The following MICU3 variants were observed in gnomAD, a reference collection of about 807,000 sequenced individuals.
MICU3 encodes calcium uptake protein 3, mitochondrial.
MICU3 carries 62 observed loss-of-function variants against 66.5 expected under a neutral mutation model. That is an observed-to-expected ratio of 0.93 (90% CI 0.76 to 1.15). The LOEUF (loss-of-function observed/expected upper bound fraction) is 1.15, where lower values mean the gene tolerates loss of function less well. Among genes scored for constraint, MICU3 ranks in the 50% most tolerant of loss-of-function variants. MICU3 has a pLI of 0.00. For missense variants in MICU3, 779 were observed against 664.4 expected, an observed-to-expected ratio of 1.17 and a Z score of -1.90; for synonymous variants, 308 against 240.7, an observed-to-expected ratio of 1.28 and a Z score of -2.59.
intron 2 of MICU3, among the ~76,000 whole-genome samples, chr8:17,067,073 C>G (rs1037696160): frequency 1.6e-4 from 24 of 152,188 alleles, no homozygotes; most frequent in Middle Eastern, 6.8e-3. Flanking sequence ...AATTTCTAAC[C>G]AGCACTTTTC....
Position 17,081,710 on chromosome 8 carries a change from G to C in MICU3, c.664G>C (p.Glu222Gln). The change falls in exon 5 of 15, where the codon GAA (glutamate) becomes CAA (glutamine). Residue 222 changes from glutamate to glutamine, a missense_variant. By Grantham distance (29) the Glu-to-Gln change is conservative. Coordinates refer to ENST00000318063, the MANE Select transcript of MICU3 (RefSeq NM_181723.3). ...TCTTGTAGGTGTGATTTCTTACACA[G>C]AATATCTTTTTCTTTTATGTATTTT... ...LKEKGVISYT[E>Q]YLFLLCILTK... 1 of 903,836 alleles carries C rather than the reference G, an allele frequency of 1.1e-6. No individual in the cohort carries two copies. Among genetic ancestry groups the C allele is most frequent in the Non-Finnish European group, 1.7e-6 (1 of 593,962 alleles). The allele number at this position is 903,836 out of a possible 1,614,324, so 56.0% of individuals were successfully genotyped here.
chr8:17,073,279 C>G (rs911053829), intron 3 of MICU3, among the ~76,000 whole-genome samples: 1 of 152,182 alleles, frequency 6.6e-6, no homozygotes, highest in African/African-American at 2.4e-5. Context: ...TACAGCCACT[C>G]TCCATCACTC....
At chr8:17,109,342 T>G (rs1802002029) in intron 11 of MICU3, among the ~76,000 whole-genome samples, 1 of 152,262 alleles carries the variant, frequency 6.6e-6, no homozygotes, top group East Asian at 1.9e-4. Flanking sequence ...ACCTACAGAT[T>G]TATTCACTCA....
chr8:17,046,517 G>A (rs1486643998), intron 1 of MICU3, among the ~76,000 whole-genome samples: 2 of 152,098 alleles, frequency 1.3e-5, no homozygotes, highest in East Asian at 1.9e-4. Context: ...ATACCACACT[G>A]TACTTATAAG....
intron 1 of MICU3, among the ~76,000 whole-genome samples, chr8:17,032,479 T>C (rs904084291): frequency 7.2e-5 from 11 of 152,226 alleles, no homozygotes; most frequent in African/African-American, 2.4e-4. Flanking sequence ...TTGTTCGCCT[T>C]AAAAAGCTTC....
At chr8:17,072,267 A>G (rs1454776139) in intron 3 of MICU3, among the ~76,000 whole-genome samples, 2 of 152,172 alleles carry the variant, frequency 1.3e-5, no homozygotes, top group African/African-American at 4.8e-5. Flanking sequence ...ATATAGGTAG[A>G]TCTGTAAATC....
At chr8:17,091,937 G>T (rs915067301) in intron 8 of MICU3, among the ~76,000 whole-genome samples, 2 of 152,006 alleles carry the variant, frequency 1.3e-5, no homozygotes, top group African/African-American at 4.8e-5. Flanking sequence ...GAGTGTAGTG[G>T]CATGATCTCA....
chr8:17,055,293 C>T (rs1385789230), intron 1 of MICU3, among the ~76,000 whole-genome samples: 1 of 152,134 alleles, frequency 6.6e-6, no homozygotes, highest in East Asian at 1.9e-4. Context: ...GAAGTGTTAC[C>T]TCCCATGAGG....
rs761777555 is a variant in MICU3 at position 17,027,316 on chromosome 8, C to G, written c.37C>G (p.Arg13Gly). The change falls in exon 1 of 15, where the codon CGG becomes GGG. Residue 13 changes from arginine to glycine, a missense_variant. Physicochemically the swap from Arg to Gly is moderately radical, Grantham distance 125 (BLOSUM62 -2). Coordinates refer to ENST00000318063, the MANE Select transcript of MICU3 (RefSeq NM_181723.3). ...ALRRLLWPPP[R>G]VSPPLCAHQP... Reference sequence around the variant, plus strand: ...GCGAAGGCTCTTGTGGCCGCCACCCCGGGTGTCTCCTCCACTCTGCGCTCA... The same window carrying G: ...GCGAAGGCTCTTGTGGCCGCCACCCGGGGTGTCTCCTCCACTCTGCGCTCA... The G allele has an allele frequency of 6.5e-7, 1 of 1,528,600 alleles. No individual in the cohort carries two copies. The highest frequency in any genetic ancestry group is 1.4e-5 in the African/African-American group (1 of 69,782). The allele number at this position is 1,528,600 out of a possible 1,614,324, so 94.7% of individuals were successfully genotyped here. A position where few individuals can be genotyped will look rare whatever the true frequency, so the allele number is the denominator to read the frequency against.
At chr8:17,098,678 CA>C in intron 9 of MICU3, 125 bp downstream of exon 9, 1 of 653,516 alleles carries the variant, frequency 1.5e-6, no homozygotes, top group Non-Finnish European at 2.7e-6. Flanking sequence ...TTTAGTACAG[CA>C]AAAATTACTA....
At chr8:17,075,000 G>T (rs1385644887) in intron 3 of MICU3, among the ~76,000 whole-genome samples, 2 of 152,096 alleles carry the variant, frequency 1.3e-5, no homozygotes, top group Non-Finnish European at 2.9e-5. Flanking sequence ...AAGTCTAGGA[G>T]GTTGCCACAG....
chr8:17,028,504 G>A (rs1187456031), intron 1 of MICU3, among the ~76,000 whole-genome samples: 1 of 152,172 alleles, frequency 6.6e-6, no homozygotes, highest in East Asian at 1.9e-4. Context: ...GGAAAATTAA[G>A]GAGATTTTCC....
chr8:17,075,527 C>G lies in MICU3; in HGVS notation c.568-2256C>G, dbSNP rs564906997. Among the ~76,000 whole-genome samples, 6 of 152,166 alleles carry G rather than the reference C, an allele frequency of 3.9e-5. No individual in the cohort carries two copies. In the South Asian group the frequency reaches 1.0e-3, roughly 26 times the overall value. ...TAATATGGCACTGCTACATACGAAA[C>G]CAAGCTAGGAGTTTGGAGGAGGGAG... On this transcript the variant is annotated intron_variant, in intron 3 of 14. Coordinates refer to ENST00000318063, the MANE Select transcript of MICU3 (RefSeq NM_181723.3).
At chr8:17,087,715 A>G (rs1799619509) in intron 7 of MICU3, among the ~76,000 whole-genome samples, 1 of 152,046 alleles carries the variant, frequency 6.6e-6, no homozygotes, top group Non-Finnish European at 1.5e-5. Context: ...ATAATTATAG[A>G]TGAGGAAACT....
chr8:17,078,882 C>T (rs1820770846), intron 4 of MICU3, among the ~76,000 whole-genome samples: 1 of 151,884 alleles, frequency 6.6e-6, no homozygotes, highest in African/African-American at 2.4e-5. Context: ...AAATTTTTTT[C>T]CTAGATGTTG....
intron 1 of MICU3, among the ~76,000 whole-genome samples, chr8:17,044,137 A>G (rs1814673300): frequency 6.6e-6 from 1 of 152,220 alleles, no homozygotes; most frequent in Admixed American, 6.5e-5. Flanking sequence ...CACATAGCAG[A>G]ATTTGGAACA....
chr8:17,060,006 C>A (rs902862340), intron 1 of MICU3, among the ~76,000 whole-genome samples: 1 of 152,122 alleles, frequency 6.6e-6, no homozygotes, highest in Non-Finnish European at 1.5e-5. Context: ...AGAAAATTAC[C>A]TGTCATCACA....
intron 1 of MICU3, among the ~76,000 whole-genome samples, chr8:17,034,724 G>A (rs1003502666): frequency 1.3e-5 from 2 of 152,228 alleles, no homozygotes; most frequent in African/African-American, 4.8e-5. Context: ...GGAGCCTAAA[G>A]ATATGACTGA....
rs1203317397 is a variant in MICU3, at chr8:17,122,360, T to G, written c.*2073T>G. 1 of 151,906 alleles carries G rather than the reference T, an allele frequency of 6.6e-6. No individual in the cohort carries two copies. The highest frequency in any genetic ancestry group is 1.5e-5 in the Non-Finnish European group (1 of 67,768). 9.4% of individuals were successfully genotyped at this position (151,906 alleles called of 1,614,324 possible). A position where few individuals can be genotyped will look rare whatever the true frequency, so the allele number is the denominator to read the frequency against. ...ATATCAATTTAAAATTTGCTAGTGG[T>G]TTGAAAATAATAATGTACTGACTAC... is the stretch of plus-strand genomic sequence containing the variant. On this transcript the variant is annotated 3_prime_UTR_variant, in exon 15 of 15. Transcript: ENST00000318063.
Sources: allele counts gnomAD v4.1 joint callset (sites outside exome capture counted in the v4.1 genomes callset), GRCh38; gene constraint gnomAD v4.1.1; transcripts MANE v1.5; gene names NCBI Gene and HGNC (gene_info 2026-07-23, HGNC 2026-07-21).